PPM1D: variants seen among roughly 807,000 people sequenced by gnomAD.
PPM1D encodes the protein protein phosphatase, Mg2+/Mn2+ dependent 1D, also known as protein phosphatase 1D.
PPM1D carries 52 observed loss-of-function variants against 58.3 expected under a neutral mutation model. That is an observed-to-expected ratio of 0.89 (90% CI 0.71 to 1.12). The LOEUF is 1.12. PPM1D is among the 50% of genes most tolerant of loss of function. The probability of loss-of-function intolerance (pLI) is 0.00; values close to 1 mark genes in which losing one functional copy is unlikely to be tolerated. For synonymous variants in PPM1D, 278 were observed against 285.1 expected, an observed-to-expected ratio of 0.98 and a Z score of 0.25; for missense variants, 564 against 777.2, an observed-to-expected ratio of 0.73 and a Z score of 3.26.
chr17:60,601,889 TAG>T (rs1214657279), intron 1 of PPM1D, among the ~76,000 whole-genome samples: 2 of 152,202 alleles, frequency 1.3e-5, no homozygotes, highest in African/African-American at 4.8e-5. Flanking sequence ...GCATCTTTGT[TAG>T]AGCAAAGAAG....
intron 4 of PPM1D, among the ~76,000 whole-genome samples, chr17:60,653,214 C>G (rs1250562508): frequency 6.6e-6 from 1 of 152,126 alleles, no homozygotes; most frequent in Non-Finnish European, 1.5e-5. Flanking sequence ...AGTCATTAAT[C>G]CATTTTGATT....
In PPM1D at chr17:60,657,156, G is replaced by C. The variant is rs550465865; in HGVS notation, c.1260+315G>C. ...AAATATATTTTATTTGAATCTCGTAGCCCAGAAGTAGAGCTAATGTTATTA... is the reference window on the plus strand; with the variant it reads ...AAATATATTTTATTTGAATCTCGTACCCCAGAAGTAGAGCTAATGTTATTA... On this transcript the variant is annotated intron_variant, in intron 5 of 5. Transcript: ENST00000305921. The C allele has an allele frequency of 2.2e-3, 2,377 of 1,077,922 alleles. 6 individuals are homozygous for C. Among genetic ancestry groups the C allele is most frequent in the Non-Finnish European group, 2.6e-3 (2,235 of 846,170 alleles). 66.8% of individuals were successfully genotyped at this position (1,077,922 alleles called of 1,614,324 possible).
intron 3 of PPM1D, among the ~76,000 whole-genome samples, chr17:60,637,498 G>A (rs2031047721): frequency 6.6e-6 from 1 of 152,312 alleles, no homozygotes; most frequent in Middle Eastern, 3.4e-3. Flanking sequence ...AGGAGAGGTC[G>A]GAAGTTCAGT....
chr17:60,610,799 A>G (rs893667686), intron 1 of PPM1D, among the ~76,000 whole-genome samples: 2 of 152,180 alleles, frequency 1.3e-5, no homozygotes, highest in Non-Finnish European at 2.9e-5. Context: ...TAGGGGAACA[A>G]TTGCTGGGTC....
intron 1 of PPM1D, among the ~76,000 whole-genome samples, chr17:60,613,372 C>T (rs751797287): frequency 1.1e-4 from 16 of 152,276 alleles, no homozygotes; most frequent in Admixed American, 2.0e-4. Flanking sequence ...TGTAAGAACT[C>T]TTAAGTGATT....
chr17:60,612,662 C>G (rs2030482944), intron 1 of PPM1D, among the ~76,000 whole-genome samples: 1 of 151,700 alleles, frequency 6.6e-6, no homozygotes, highest in African/African-American at 2.4e-5. Context: ...ATAAAAAGAT[C>G]AGAAACCCGG....
chr17:60,644,195 C>T (rs1289923869), intron 3 of PPM1D, among the ~76,000 whole-genome samples: 1 of 151,428 alleles, frequency 6.6e-6, no homozygotes, highest in African/African-American at 2.4e-5. Context: ...CTATCTTGAA[C>T]TCTTCACAGT....
chr17:60,607,155 C>T (rs756952525), intron 1 of PPM1D, among the ~76,000 whole-genome samples: 18 of 151,926 alleles, frequency 1.2e-4, no homozygotes, highest in Non-Finnish European at 2.5e-4. Flanking sequence ...ATTAAAAGGT[C>T]ATTATTTTTC....
chr17:60,623,805 T>A, intron 2 of PPM1D, 56 bp downstream of exon 2: 2 of 1,525,508 alleles, frequency 1.3e-6, no homozygotes, highest in Non-Finnish European at 9.0e-7. Flanking sequence ...CCTTTTATGC[T>A]TTACTAATGA....
chr17:60,645,229 C>T (rs2143696881), intron 3 of PPM1D, among the ~76,000 whole-genome samples: 1 of 152,138 alleles, frequency 6.6e-6, no homozygotes, highest in East Asian at 1.9e-4. Context: ...TGGCGGGCAC[C>T]TGTAATCCCA....
chr17:60,637,272 ATGAGGTCTCACTCTG>A (rs1162886242), intron 3 of PPM1D, among the ~76,000 whole-genome samples: 2 of 151,156 alleles, frequency 1.3e-5, no homozygotes, highest in Non-Finnish European at 2.9e-5. Flanking sequence ...TTTTTTTGAG[ATGAGGTCTCACTCTG>A]TGCCACAGGG....
chr17:60,638,205 A>T (rs2031062523), intron 3 of PPM1D, among the ~76,000 whole-genome samples: 1 of 152,232 alleles, frequency 6.6e-6, no homozygotes. Context: ...AAAAGGGCTT[A>T]TAAGAGAAAA....
chr17:60,650,411 C>T (rs931656003), intron 4 of PPM1D, among the ~76,000 whole-genome samples: 5 of 152,128 alleles, frequency 3.3e-5, no homozygotes, highest in East Asian at 1.9e-4. Flanking sequence ...ATCAGCCAGA[C>T]GTGGTGACTC....
At chr17:60,649,096 T>C (rs904998613) in intron 4 of PPM1D, among the ~76,000 whole-genome samples, 1 of 151,918 alleles carries the variant, frequency 6.6e-6, no homozygotes, top group African/African-American at 2.4e-5. Flanking sequence ...TTTGTTTTTT[T>C]TTCCCCCCAA....
At chr17:60,624,233 T>A (rs1664309892) in intron 2 of PPM1D, among the ~76,000 whole-genome samples, 1 of 152,224 alleles carries the variant, frequency 6.6e-6, no homozygotes, top group Admixed American at 6.5e-5. Context: ...TGAAATTGAT[T>A]TCAATTTTAT....
At chr17:60,621,030 T>A (rs980147962) in intron 1 of PPM1D, among the ~76,000 whole-genome samples, 1 of 151,692 alleles carries the variant, frequency 6.6e-6, no homozygotes, top group African/African-American at 2.4e-5. Flanking sequence ...TCAAGCGATT[T>A]GCCTGCCTCA....
In PPM1D at chr17:60,663,159, AG is replaced by A; in HGVS notation, c.1426del (p.Glu476LysfsTer7). 1 of 1,614,234 alleles carries A rather than the reference AG, an allele frequency of 6.2e-7. No homozygotes were observed. The highest frequency in any genetic ancestry group is 8.5e-7 in the Non-Finnish European group (1 of 1,180,030). The stretch of plus-strand genomic sequence containing the variant: ...CCTCAAAAGATCCAGAACCACTTGA[AG>A]AAAATTGCGCTAAAGCCCTGACTTT... ...IPSKDPEPLE[E>X]NCAKALTLRI... On this transcript the variant is annotated frameshift_variant, in exon 6 of 6. Transcript: ENST00000305921. LOFTEE classifies it high-confidence loss of function.
At chr17:60,632,517 T>G (rs997445922) in intron 2 of PPM1D, among the ~76,000 whole-genome samples, 1 of 150,368 alleles carries the variant, frequency 6.7e-6, no homozygotes, top group Non-Finnish European at 1.5e-5. Flanking sequence ...CAGTGAACCA[T>G]GAGTGCACCA....
intron 3 of PPM1D, among the ~76,000 whole-genome samples, chr17:60,646,973 A>C (rs1192211784): frequency 6.6e-6 from 1 of 152,192 alleles, no homozygotes; most frequent in African/African-American, 2.4e-5. Context: ...TGATGTAGGT[A>C]CTTTACTGAT....
Sources: allele counts gnomAD v4.1 joint callset (sites outside exome capture counted in the v4.1 genomes callset), GRCh38; gene constraint gnomAD v4.1.1; transcripts MANE v1.5; gene names NCBI Gene and HGNC (gene_info 2026-07-23, HGNC 2026-07-21).